Variants in TRAPPC9 observed in about 807,000 individuals in gnomAD.
TRAPPC9 encodes the protein trafficking protein particle complex subunit 9.
A neutral mutation model predicts 124.0 loss-of-function variants in TRAPPC9; 83 were observed. The observed-to-expected ratio is 0.67, with a 90% CI of 0.56 to 0.80. The LOEUF is 0.80. TRAPPC9 is among the 30% of genes least tolerant of loss of function. TRAPPC9 has a pLI of 0.00. For missense variants in TRAPPC9, 1,302 were observed against 1,508.3 expected (o/e 0.86, Z 2.27); for synonymous variants, 638 against 617.5 (o/e 1.03, Z -0.49).
chr8:140,212,348 C>T (rs1353475249), intron 17 of TRAPPC9, among the ~76,000 whole-genome samples: 1 of 152,250 alleles, frequency 6.6e-6, no homozygotes. Context: ...CTTGAGATGG[C>T]ATACATAGTT....
rs560767242 is a variant in TRAPPC9, at chr8:140,011,282, C to T, written c.2699+12655G>A. On this transcript the variant is annotated intron_variant, in intron 18 of 22. Transcript: ENST00000438773. Reference sequence around the variant, plus strand: ...ACTTGAACCCAGGAGGCAGAGGTTGCAGTGAGCCAAGATTGTACCACTGCA... The same window carrying T: ...ACTTGAACCCAGGAGGCAGAGGTTGTAGTGAGCCAAGATTGTACCACTGCA... Among the ~76,000 whole-genome samples the T allele has an allele frequency of 8.8e-4, 134 of 151,758 alleles. 3 individuals carry two copies. The highest frequency in any genetic ancestry group is 3.4e-3 in the Middle Eastern group (1 of 294).
intron 21 of TRAPPC9, among the ~76,000 whole-genome samples, chr8:139,882,303 G>A (rs1829722272): frequency 6.6e-6 from 1 of 152,142 alleles, no homozygotes; most frequent in African/African-American, 2.4e-5. Flanking sequence ...CCCTGAGATG[G>A]GGAAATGGAG....
At chr8:140,138,405 T>C (rs558202400) in intron 17 of TRAPPC9, among the ~76,000 whole-genome samples, 40 of 152,316 alleles carry the variant, frequency 2.6e-4, no homozygotes, top group South Asian at 2.1e-3. Flanking sequence ...AATCTCTCTC[T>C]GGGCTCCGGG....
At chr8:139,894,783 T>A (rs1370795564) in intron 20 of TRAPPC9, among the ~76,000 whole-genome samples, 1 of 152,198 alleles carries the variant, frequency 6.6e-6, no homozygotes, top group Non-Finnish European at 1.5e-5. Context: ...CGTTCAGCTG[T>A]CATCTCACGG....
intron 17 of TRAPPC9, among the ~76,000 whole-genome samples, chr8:140,128,236 G>A (rs573546324): frequency 3.3e-5 from 5 of 152,320 alleles, no homozygotes; most frequent in African/African-American, 9.6e-5. Flanking sequence ...GCTCGGTGGT[G>A]AGACAGCCCA....
chr8:140,019,856 T>C (rs1839721079), intron 18 of TRAPPC9, among the ~76,000 whole-genome samples: 1 of 151,958 alleles, frequency 6.6e-6, no homozygotes. Context: ...CTGGCCGTCA[T>C]TTTTCTTCTT....
At chr8:140,396,097 T>C (rs1321296482) in intron 7 of TRAPPC9, among the ~76,000 whole-genome samples, 1 of 148,772 alleles carries the variant, frequency 6.7e-6, no homozygotes, top group East Asian at 2.0e-4. Flanking sequence ...CTCCACTCCA[T>C]ACAAATCTGG....
chr8:139,913,123 A>T (rs1831860635), intron 19 of TRAPPC9, among the ~76,000 whole-genome samples: 1 of 152,210 alleles, frequency 6.6e-6, no homozygotes. Context: ...CAACGGTGTG[A>T]TATCTAATCT....
At chr8:140,345,076 G>T (rs73713104) in intron 9 of TRAPPC9, among the ~76,000 whole-genome samples, 1 of 152,096 alleles carries the variant, frequency 6.6e-6, no homozygotes, top group Non-Finnish European at 1.5e-5. Context: ...TGGGCGGGTC[G>T]ACAGTCAGGC....
chr8:140,406,115 T>C (rs1238018783), intron 5 of TRAPPC9, among the ~76,000 whole-genome samples: 2 of 152,040 alleles, frequency 1.3e-5, no homozygotes, highest in African/African-American at 2.4e-5. Flanking sequence ...CCACACGGCA[T>C]TGAAAAAAAA....
At position 140,353,945 on chromosome 8, in the gene TRAPPC9, C is replaced by T. The variant is rs181024234; in HGVS notation, c.1495+6105G>A. Among the ~76,000 whole-genome samples the T allele has an allele frequency of 1.6e-4, 25 of 152,280 alleles. No individual in the cohort carries two copies. In the East Asian group the frequency reaches 3.5e-3, roughly 21 times the overall value. On this transcript the variant is annotated intron_variant, in intron 9 of 22. Coordinates refer to ENST00000438773, the MANE Select transcript of TRAPPC9 (RefSeq NM_001160372.4). The surrounding 1 kb of genome is among the most constrained non-coding windows in gnomAD (Gnocchi z 4.2). ...CCCAGCATGCTGGAAGCTCTGACAG[C>T]GGCAGGCACAGGGCACGGGGAGCTC... is the stretch of plus-strand genomic sequence containing the variant.
intron 17 of TRAPPC9, among the ~76,000 whole-genome samples, chr8:140,043,945 T>C (rs1450906888): frequency 6.6e-6 from 1 of 152,088 alleles, no homozygotes. Context: ...AATTCTACCA[T>C]GAGGCCTGCC....
chr8:139,977,040 G>T (rs1461446331), intron 19 of TRAPPC9, among the ~76,000 whole-genome samples: 1 of 152,180 alleles, frequency 6.6e-6, no homozygotes, highest in Non-Finnish European at 1.5e-5. Context: ...TGAGTAAGAC[G>T]ATTCTGGCCT....
rs1281446878 is a variant in TRAPPC9, at chr8:139,833,930, T to TGAGGAGGTGCCTTGGCGGTG, written c.3055+51929_3055+51948dup. ...GGATCAGAAACATGAGAGCCCCTGG[T>TGAGGAGGTGCCTTGGCGGTG]GAGGAGGTGCCTTGGCGGTGGAGGA... On this transcript the variant is annotated intron_variant, in intron 21 of 22. Coordinates refer to ENST00000438773, the MANE Select transcript of TRAPPC9 (RefSeq NM_001160372.4). Among the ~76,000 whole-genome samples, 51 of 152,240 alleles carry TGAGGAGGTGCCTTGGCGGTG rather than the reference T, an allele frequency of 3.3e-4. 1 individual carries two copies. Among genetic ancestry groups the TGAGGAGGTGCCTTGGCGGTG allele is most frequent in the African/African-American group, 1.2e-3 (49 of 41,548 alleles).
At chr8:140,377,074 A>C (rs903176885) in intron 7 of TRAPPC9, among the ~76,000 whole-genome samples, 1 of 152,150 alleles carries the variant, frequency 6.6e-6, no homozygotes, top group Non-Finnish European at 1.5e-5. Context: ...GAGATGGCCA[A>C]GCAAAGTCCG....
At chr8:140,356,390 C>G (rs1201782608) in intron 9 of TRAPPC9, among the ~76,000 whole-genome samples, 12 of 152,160 alleles carry the variant, frequency 7.9e-5, no homozygotes, top group Admixed American at 7.9e-4. Context: ...TGGAGACAGT[C>G]GGCTCATCAG....
At chr8:140,428,584 GAAGA>G (rs1050332361) in intron 4 of TRAPPC9, among the ~76,000 whole-genome samples, 1 of 152,142 alleles carries the variant, frequency 6.6e-6, no homozygotes, top group African/African-American at 2.4e-5. Context: ...CCTGTAAAAT[GAAGA>G]GAGTGGGCCG....
intron 21 of TRAPPC9, among the ~76,000 whole-genome samples, chr8:139,811,661 C>T (rs1824452084): frequency 6.6e-6 from 1 of 152,158 alleles, no homozygotes; most frequent in African/African-American, 2.4e-5. Flanking sequence ...TTTTTTAAAG[C>T]TATATATTTT....
At chr8:140,293,307 C>T (rs1471428557) in intron 11 of TRAPPC9, among the ~76,000 whole-genome samples, 5 of 151,178 alleles carry the variant, frequency 3.3e-5, no homozygotes, top group African/African-American at 7.4e-5. Flanking sequence ...GTCAGTGTGG[C>T]GATTCCTCAG....
Sources: gnomAD v4.1 joint callset for allele counts (sites outside exome capture counted in the v4.1 genomes callset) on GRCh38, gnomAD v4.1.1 for gene constraint, Gnocchi (gnomAD v3.1) non-coding constraint, MANE v1.5 for transcripts, NCBI Gene and HGNC (gene_info 2026-07-23, HGNC 2026-07-21) for gene names.